TMEM117: variants seen among roughly 807,000 people sequenced by gnomAD.
TMEM117 encodes the protein transmembrane protein 117.
In TMEM117, 27 loss-of-function variants were observed where a neutral mutation model predicts 52.4. The observed-to-expected ratio is 0.51, with a 90% confidence interval of 0.38 to 0.71. TMEM117 has a LOEUF of 0.71. Among genes scored for constraint, TMEM117 ranks in the 30% least tolerant of loss-of-function variants. TMEM117 has a pLI of 0.00. For synonymous variants in TMEM117, 215 were observed against 206.3 expected (o/e 1.04, Z -0.36); for missense variants, 556 against 630.5 (o/e 0.88, Z 1.26).
intron 4 of TMEM117, among the ~76,000 whole-genome samples, chr12:44,181,014 G>C (rs1260270867): frequency 3.3e-5 from 5 of 152,126 alleles, no homozygotes; most frequent in Non-Finnish European, 7.3e-5. Context: ...TCCAGCACCT[G>C]TTGTTTCCTG....
chr12:44,238,105 A>C (rs1465561900), intron 5 of TMEM117, among the ~76,000 whole-genome samples: 1 of 152,280 alleles, frequency 6.6e-6, no homozygotes, highest in Middle Eastern at 3.4e-3. Context: ...GAAATGATTA[A>C]ATTCTCACAT....
At chr12:43,822,840 T>A in the TMEM117 span, among the ~76,000 whole-genome samples, 1 of 151,406 alleles carries the variant, frequency 6.6e-6, no homozygotes, top group Non-Finnish European at 1.5e-5. Context: ...GAGGTTGCAT[T>A]GCAATGAGAA....
chr12:43,804,062 G>C, the TMEM117 span: 1 of 219,596 alleles, frequency 4.6e-6, no homozygotes, highest in Non-Finnish European at 9.5e-6. Flanking sequence ...TCATTTCTGT[G>C]GCAAAGGTTG....
At chr12:43,854,253 G>T (rs1255655853) in intron 2 of TMEM117, among the ~76,000 whole-genome samples, 1 of 152,114 alleles carries the variant, frequency 6.6e-6, no homozygotes, top group East Asian at 1.9e-4. Context: ...TATTTTGGGG[G>T]CTGCCTGCAA....
chr12:44,282,326 C>T (rs61933048), intron 5 of TMEM117, among the ~76,000 whole-genome samples: 3,439 of 152,180 alleles, frequency 0.023, 55 homozygotes, highest in Admixed American at 0.034. Flanking sequence ...AACTGGGTAA[C>T]AGGCAGAGGT....
At chr12:44,055,280 A>G (rs1356060252) in intron 3 of TMEM117, among the ~76,000 whole-genome samples, 1 of 152,212 alleles carries the variant, frequency 6.6e-6, no homozygotes, top group South Asian at 2.1e-4. Flanking sequence ...AATTTTGTAC[A>G]TCTGTACTGA....
At chr12:44,185,964 C>T (rs147324425) in intron 4 of TMEM117, among the ~76,000 whole-genome samples, 76 of 151,924 alleles carry the variant, frequency 5.0e-4, no homozygotes, top group African/African-American at 1.7e-3. Context: ...TTCTCACATG[C>T]ATTCTACCAC....
chr12:44,159,085 G>A (rs1358724519), intron 4 of TMEM117, among the ~76,000 whole-genome samples: 2 of 152,132 alleles, frequency 1.3e-5, no homozygotes, highest in African/African-American at 2.4e-5. Context: ...TGGAGATGGG[G>A]GCGGCAAATG....
chr12:43,830,456 A>G, the TMEM117 span, among the ~76,000 whole-genome samples: 2 of 151,396 alleles, frequency 1.3e-5, no homozygotes, highest in Non-Finnish European at 2.9e-5. Flanking sequence ...AAAATACAAA[A>G]AAAATTAGCC....
At chr12:43,950,934 T>G (rs80120468) in intron 3 of TMEM117, among the ~76,000 whole-genome samples, 1,768 of 152,246 alleles carry the variant, frequency 0.012, 41 homozygotes, top group East Asian at 0.069. Context: ...GTTTCTGCAT[T>G]TCCAGCTGAG....
At chr12:44,383,272 G>A (rs1952044872) in intron 7 of TMEM117, among the ~76,000 whole-genome samples, 1 of 152,036 alleles carries the variant, frequency 6.6e-6, no homozygotes, top group Non-Finnish European at 1.5e-5. Context: ...ATTATATGGT[G>A]GAATTATCAG....
At chr12:44,199,752 C>A (rs1949468416) in intron 4 of TMEM117, among the ~76,000 whole-genome samples, 1 of 152,050 alleles carries the variant, frequency 6.6e-6, no homozygotes, top group Admixed American at 6.6e-5. Context: ...GAGACACTAC[C>A]AATGTGGGAC....
At chr12:43,869,203 C>T (rs1001415758) in intron 2 of TMEM117, among the ~76,000 whole-genome samples, 1 of 151,856 alleles carries the variant, frequency 6.6e-6, no homozygotes. Context: ...TTATCAAAAA[C>T]CTCTTTAGAA....
intron 2 of TMEM117, among the ~76,000 whole-genome samples, chr12:43,850,245 A>G (rs1943283004): frequency 6.6e-6 from 1 of 152,200 alleles, no homozygotes; most frequent in African/African-American, 2.4e-5. Flanking sequence ...GATTCATGGT[A>G]AGTAAAAATC....
intron 6 of TMEM117, among the ~76,000 whole-genome samples, chr12:44,357,858 AG>A (rs1951671981): frequency 6.6e-6 from 1 of 152,162 alleles, no homozygotes; most frequent in African/African-American, 2.4e-5. Flanking sequence ...TCTTCCAGAA[AG>A]ACACATGCAT....
At chr12:43,826,176 C>G in the TMEM117 span, among the ~76,000 whole-genome samples, 1 of 152,230 alleles carries the variant, frequency 6.6e-6, no homozygotes, top group Non-Finnish European at 1.5e-5. Context: ...AGTGTGCCCA[C>G]TGAGGCTTTG....
intron 3 of TMEM117, among the ~76,000 whole-genome samples, chr12:43,946,421 A>T (rs1945135495): frequency 7.7e-6 from 1 of 129,698 alleles, no homozygotes; most frequent in African/African-American, 3.1e-5. Flanking sequence ...AGAGCTAATG[A>T]GGTCTGTGCT....
At chr12:44,334,949 A>G in intron 6 of TMEM117, among the ~76,000 whole-genome samples, 1 of 152,070 alleles carries the variant, frequency 6.6e-6, no homozygotes, top group East Asian at 1.9e-4. Flanking sequence ...ACAAACAAAA[A>G]AATCAGAGAA....
At chr12:43,984,471 T>A (rs1369514870) in intron 3 of TMEM117, among the ~76,000 whole-genome samples, 1 of 152,154 alleles carries the variant, frequency 6.6e-6, no homozygotes, top group African/African-American at 2.4e-5. Context: ...TATATTACAT[T>A]GAGATAGTGT....
Sources: gnomAD v4.1 joint callset for allele counts (sites outside exome capture counted in the v4.1 genomes callset) on GRCh38, gnomAD v4.1.1 for gene constraint, MANE v1.5 for transcripts, NCBI Gene and HGNC (gene_info 2026-07-23, HGNC 2026-07-21) for gene names.